Variants in MCU observed in about 807,000 individuals in gnomAD.
MCU encodes calcium uniporter protein, mitochondrial.
A neutral mutation model predicts 45.2 loss-of-function variants in MCU; 12 were observed. That is an observed-to-expected ratio of 0.27 (90% CI 0.17 to 0.43). MCU has a LOEUF of 0.43. Among genes scored for constraint, MCU ranks in the 20% least tolerant of loss-of-function variants. The probability of loss-of-function intolerance (pLI) is 1.00; values close to 1 mark genes in which losing one functional copy is unlikely to be tolerated. For synonymous variants in MCU, 160 were observed against 165.1 expected (o/e 0.97, Z 0.24); for missense variants, 324 against 436.7 (o/e 0.74, Z 2.30).
At chr10:72,693,177 T>A (rs1010856164) in intron 1 of MCU, 57 of 566,954 alleles carry the variant, frequency 1.0e-4, no homozygotes, top group African/African-American at 9.3e-4. Flanking sequence ...TGGGTGAGTG[T>A]GTGTGTGTGT....
At chr10:72,725,958 C>T (rs1843093297) in intron 1 of MCU, among the ~76,000 whole-genome samples, 1 of 152,152 alleles carries the variant, frequency 6.6e-6, no homozygotes, top group Non-Finnish European at 1.5e-5. Flanking sequence ...TTTATTTCCT[C>T]CTTTCTTGCC....
intron 6 of MCU, among the ~76,000 whole-genome samples, chr10:72,872,226 AT>A (rs147672169): frequency 6.6e-6 from 1 of 152,262 alleles, no homozygotes; most frequent in East Asian, 1.9e-4. Flanking sequence ...ATCAGGGTAA[AT>A]GGCATATCTC....
At chr10:72,865,324 C>T (rs1327071733) in intron 4 of MCU, among the ~76,000 whole-genome samples, 1 of 152,146 alleles carries the variant, frequency 6.6e-6, no homozygotes, top group African/African-American at 2.4e-5. Flanking sequence ...GGTCAAAAAT[C>T]TGTAATTCAT....
chr10:72,804,048 A>G (rs1844386080), intron 1 of MCU, among the ~76,000 whole-genome samples: 1 of 86,000 alleles, frequency 1.2e-5, no homozygotes, highest in Non-Finnish European at 2.3e-5. Context: ...ATATATATAT[A>G]TATATATATA....
At chr10:72,780,552 T>TGTGTGTGTGTGTGTGTGTGTG (rs770728826) in intron 1 of MCU, among the ~76,000 whole-genome samples, 52 of 20,296 alleles carry the variant, frequency 2.6e-3, no homozygotes, top group East Asian at 0.016. Context: ...GTGTGTGTGT[T>TGTGTGTGTGTGTGTGTGTGTG]GGGTGAATTT....
At chr10:72,696,925 AT>A (rs1842695189) in intron 1 of MCU, among the ~76,000 whole-genome samples, 1 of 152,090 alleles carries the variant, frequency 6.6e-6, no homozygotes, top group Non-Finnish European at 1.5e-5. Flanking sequence ...TGGTGGATTG[AT>A]GGAAAGAGTT....
intron 1 of MCU, among the ~76,000 whole-genome samples, chr10:72,801,942 G>C (rs1320162596): frequency 1.3e-5 from 2 of 152,102 alleles, no homozygotes; most frequent in Non-Finnish European, 2.9e-5. Flanking sequence ...CAAAGTGCTA[G>C]GATTATAGGT....
chr10:72,737,426 C>T (rs562797980), intron 1 of MCU, among the ~76,000 whole-genome samples: 4 of 151,730 alleles, frequency 2.6e-5, no homozygotes, highest in Admixed American at 6.6e-5. Flanking sequence ...TGTATTGGGT[C>T]GATAATTTGA....
At chr10:72,872,880 C>T (rs1020674672) in intron 6 of MCU, among the ~76,000 whole-genome samples, 1 of 152,004 alleles carries the variant, frequency 6.6e-6, no homozygotes, top group Admixed American at 6.5e-5. Context: ...AATTTACATT[C>T]CCAGCATTTC....
At chr10:72,707,515 T>C (rs1842838624) in intron 1 of MCU, among the ~76,000 whole-genome samples, 1 of 152,122 alleles carries the variant, frequency 6.6e-6, no homozygotes, top group East Asian at 1.9e-4. Context: ...TGAAATGTTA[T>C]GGGAGCCAAG....
chr10:72,700,341 C>T (rs1161035346), intron 1 of MCU, among the ~76,000 whole-genome samples: 10 of 151,302 alleles, frequency 6.6e-5, no homozygotes, highest in African/African-American at 2.4e-4. Flanking sequence ...GATTACAAGG[C>T]GTGAGCCACT....
chr10:72,809,741 A>G (rs1283048553), intron 1 of MCU, among the ~76,000 whole-genome samples: 1 of 152,216 alleles, frequency 6.6e-6, no homozygotes, highest in Non-Finnish European at 1.5e-5. Flanking sequence ...GTATGAAAAA[A>G]CAAGGGCAAA....
chr10:72,880,040 T>A (rs1845676881), intron 6 of MCU, among the ~76,000 whole-genome samples: 1 of 152,122 alleles, frequency 6.6e-6, no homozygotes, highest in African/African-American at 2.4e-5. Context: ...AGAGTGAGAC[T>A]CTGTCTCAAA....
intron 1 of MCU, among the ~76,000 whole-genome samples, chr10:72,738,378 A>G (rs1442544776): frequency 6.6e-6 from 1 of 152,200 alleles, no homozygotes; most frequent in Non-Finnish European, 1.5e-5. Flanking sequence ...TTTAGCTTTT[A>G]GATTGAACAA....
intron 1 of MCU, among the ~76,000 whole-genome samples, chr10:72,800,462 G>A (rs149153529): frequency 5.9e-5 from 9 of 152,196 alleles, no homozygotes; most frequent in East Asian, 5.8e-4. Flanking sequence ...AACACTTTTG[G>A]TCCCAAGGAT....
chr10:72,885,239 G>T (rs558734165), intron 7 of MCU, among the ~76,000 whole-genome samples: 1 of 152,270 alleles, frequency 6.6e-6, no homozygotes, highest in African/African-American at 2.4e-5. Context: ...AGGCTTGCTC[G>T]TTAGTCCAGC....
intron 1 of MCU, chr10:72,692,846 A>G (rs1289024399): frequency 1.4e-5 from 20 of 1,425,758 alleles, no homozygotes; most frequent in Non-Finnish European, 1.8e-5. Context: ...GTCGGGCAGG[A>G]AGGAAAATCA....
chr10:72,772,441 A>G (rs1843825188), intron 1 of MCU, among the ~76,000 whole-genome samples: 1 of 152,224 alleles, frequency 6.6e-6, no homozygotes, highest in African/African-American at 2.4e-5. Context: ...TCACGCCTGC[A>G]ATCCCAGCAC....
At chr10:72,751,341 CTTT>C (rs71021528) in intron 1 of MCU, among the ~76,000 whole-genome samples, 30 of 44,752 alleles carry the variant, frequency 6.7e-4, no homozygotes, top group Non-Finnish European at 8.8e-4. Context: ...TCTTCTTCTT[CTTT>C]TTTTTTTTTT....
Sources: gnomAD v4.1 joint callset for allele counts (sites outside exome capture counted in the v4.1 genomes callset) on GRCh38, gnomAD v4.1.1 for gene constraint, MANE v1.5 for transcripts, NCBI Gene and HGNC (gene_info 2026-07-23, HGNC 2026-07-21) for gene names.